The following ACTR3C variants were observed in gnomAD, a reference collection of about 807,000 sequenced individuals.
ACTR3C encodes the protein actin related protein 3C, also known as actin-related protein 3C.
A neutral mutation model predicts 26.3 loss-of-function variants in ACTR3C; 18 were observed. The observed-to-expected ratio is 0.68, with a 90% confidence interval of 0.47 to 1.01. The LOEUF is 1.01. Among genes scored for constraint, ACTR3C ranks in the 50% least tolerant of loss-of-function variants. The probability of loss-of-function intolerance (pLI) is 0.00; values close to 1 mark genes in which losing one functional copy is unlikely to be tolerated. For synonymous variants in ACTR3C, 55 were observed against 94.5 expected, an observed-to-expected ratio of 0.58 and a Z score of 2.42; for missense variants, 184 against 250.7, an observed-to-expected ratio of 0.73 and a Z score of 1.80.
chr7:150,032,413 C>A, the ACTR3C span, among the ~76,000 whole-genome samples: 1 of 152,190 alleles, frequency 6.6e-6, no homozygotes, highest in African/African-American at 2.4e-5. Context: ...CCTGTCTGTG[C>A]AACGTGCTTG....
chr7:150,227,941 T>A, the ACTR3C span, among the ~76,000 whole-genome samples: 2 of 152,058 alleles, frequency 1.3e-5, no homozygotes. Flanking sequence ...GGCTCAACTT[T>A]GTTCTTCTTC....
the ACTR3C span, among the ~76,000 whole-genome samples, chr7:150,189,040 C>A: frequency 2.6e-5 from 4 of 151,366 alleles, no homozygotes; most frequent in South Asian, 6.2e-4. Context: ...CTCCCTCCAA[C>A]ACCCCAGGGT....
the ACTR3C span, chr7:150,047,826 C>T: frequency 3.3e-6 from 5 of 1,524,590 alleles, no homozygotes; most frequent in Non-Finnish European, 4.4e-6. Flanking sequence ...GTTGATCTTG[C>T]CGGTGAACCT....
At chr7:150,046,355 C>CT in the ACTR3C span, among the ~76,000 whole-genome samples, 25 of 71,718 alleles carry the variant, frequency 3.5e-4, 3 homozygotes, top group African/African-American at 1.0e-3. Context: ...CCGCCCCCCC[C>CT]CCCCCGACCC....
At chr7:150,048,548 G>A in the ACTR3C span, among the ~76,000 whole-genome samples, 1 of 145,550 alleles carries the variant, frequency 6.9e-6, no homozygotes, top group African/African-American at 2.4e-5. Context: ...TGCTGCGCGT[G>A]CCCCGCAGCA....
chr7:150,109,299 G>A, the ACTR3C span, among the ~76,000 whole-genome samples: 1 of 151,958 alleles, frequency 6.6e-6, no homozygotes, highest in South Asian at 2.1e-4. Context: ...TTCTTCTATG[G>A]ATGTAAACTA....
chr7:150,082,925 CTTTTTTTTCTTTT>C, the ACTR3C span, among the ~76,000 whole-genome samples: 78 of 120,778 alleles, frequency 6.5e-4, no homozygotes, highest in African/African-American at 9.2e-4. Context: ...TTCTTTCTTT[CTTTTTTTTCTTTT>C]TTTTTTTTCT....
the ACTR3C span, among the ~76,000 whole-genome samples, chr7:150,011,542 G>A: frequency 4.1e-4 from 62 of 152,260 alleles, no homozygotes; most frequent in African/African-American, 1.4e-3. Context: ...CCAAGATCGC[G>A]CCATTGCATT....
the ACTR3C span, among the ~76,000 whole-genome samples, chr7:150,035,830 CG>C: frequency 7.9e-6 from 1 of 125,790 alleles, no homozygotes; most frequent in African/African-American, 3.0e-5. Context: ...CCCTGCCTTG[CG>C]GGGGTTGCCT....
At chr7:150,169,345 C>T in the ACTR3C span, among the ~76,000 whole-genome samples, 7 of 143,584 alleles carry the variant, frequency 4.9e-5, no homozygotes, top group South Asian at 2.2e-4. Flanking sequence ...ATCTCGCCAC[C>T]GTGCTCCAGC....
At chr7:150,034,353 G>A in the ACTR3C span, among the ~76,000 whole-genome samples, 1 of 151,664 alleles carries the variant, frequency 6.6e-6, no homozygotes. Flanking sequence ...TCTCTCTGAC[G>A]CATACAATGG....
At chr7:149,961,309 C>G in the ACTR3C span, among the ~76,000 whole-genome samples, 2 of 151,606 alleles carry the variant, frequency 1.3e-5, no homozygotes, top group Non-Finnish European at 2.9e-5. Context: ...AGGAATTGCA[C>G]AGAGAGGAAG....
At chr7:149,975,901 G>A in the ACTR3C span, among the ~76,000 whole-genome samples, 1 of 152,082 alleles carries the variant, frequency 6.6e-6, no homozygotes, top group Non-Finnish European at 1.5e-5. Flanking sequence ...TGACCTGTGG[G>A]GATTATTACA....
chr7:150,036,944 G>A, the ACTR3C span, among the ~76,000 whole-genome samples: 1 of 85,640 alleles, frequency 1.2e-5, no homozygotes, highest in African/African-American at 4.3e-5. Flanking sequence ...CTAAGAGCCA[G>A]TGGGGGAACC....
the ACTR3C span, among the ~76,000 whole-genome samples, chr7:150,103,511 T>C: frequency 1.9e-4 from 29 of 151,898 alleles, 1 homozygote; most frequent in African/African-American, 5.1e-4. Flanking sequence ...CAATTTAACC[T>C]TGGAGGACCA....
chr7:150,085,426 G>A, the ACTR3C span, among the ~76,000 whole-genome samples: 1 of 152,138 alleles, frequency 6.6e-6, no homozygotes, highest in African/African-American at 2.4e-5. Context: ...AAAATCAGAA[G>A]AGAGTGTTTC....
At chr7:150,130,682 G>A in the ACTR3C span, among the ~76,000 whole-genome samples, 1 of 152,344 alleles carries the variant, frequency 6.6e-6, no homozygotes, top group East Asian at 1.9e-4. Context: ...GCCTATGCAT[G>A]AGTGTTCATA....
chr7:150,049,434 GCCGCCTCCTT>G, the ACTR3C span, among the ~76,000 whole-genome samples: 1 of 152,204 alleles, frequency 6.6e-6, no homozygotes, highest in Non-Finnish European at 1.5e-5. Context: ...TGCCCATTCC[GCCGCCTCCTT>G]CCACATGGAG....
the ACTR3C span, among the ~76,000 whole-genome samples, chr7:150,197,791 A>C: frequency 6.6e-6 from 1 of 151,906 alleles, no homozygotes; most frequent in Non-Finnish European, 1.5e-5. Context: ...TATGTGTCCC[A>C]ATTATGCTAG....
Sources: gnomAD v4.1 joint callset for allele counts (sites outside exome capture counted in the v4.1 genomes callset) on GRCh38, gnomAD v4.1.1 for gene constraint, MANE v1.5 for transcripts, NCBI Gene and HGNC (gene_info 2026-07-23, HGNC 2026-07-21) for gene names.